The following KLHL29 variants were observed in gnomAD, a reference collection of about 807,000 sequenced individuals.
KLHL29 encodes kelch like family member 29, also known as kelch-like protein 29.
KLHL29 carries 21 observed loss-of-function variants against 80.4 expected under a neutral mutation model. The observed-to-expected ratio is 0.26, with a 90% CI of 0.19 to 0.38. KLHL29 has a LOEUF of 0.38. Ranked by LOEUF, KLHL29 falls within the 10% of genes least tolerant of loss-of-function variation. The probability of loss-of-function intolerance (pLI) is 1.00; values close to 1 mark genes in which losing one functional copy is unlikely to be tolerated. For missense variants in KLHL29, 867 were observed against 1,223.9 expected, an observed-to-expected ratio of 0.71 and a Z score of 4.35; for synonymous variants, 511 against 526.8, an observed-to-expected ratio of 0.97 and a Z score of 0.41.
Position 23,695,599 on chromosome 2 carries a change from G to C in KLHL29, c.1543-24G>C. ...TGGCTCTCTCTTGCTAGTCTAAGAA[G>C]ATTCTGTCTCCTGTACCCTGCAGTA... is the stretch of plus-strand genomic sequence containing the variant. On this transcript the variant is annotated intron_variant, in intron 8 of 13. Coordinates refer to ENST00000486442, the MANE Select transcript of KLHL29 (RefSeq NM_052920.2). This position sits in a 1 kb window ranked among gnomAD's most constrained non-coding sequence, Gnocchi z 7.6. The C allele has an allele frequency of 3.3e-6, 5 of 1,511,428 alleles. No homozygotes were observed. Among genetic ancestry groups the C allele is most frequent in the Non-Finnish European group, 4.4e-6 (5 of 1,124,444 alleles). 93.6% of individuals were successfully genotyped at this position (1,511,428 alleles called of 1,614,324 possible).
chr2:23,573,071 T>C (rs112754752), intron 3 of KLHL29, among the ~76,000 whole-genome samples: 27 of 2,258 alleles, frequency 0.012, no homozygotes, highest in African/African-American at 0.049. Context: ...CCTCACGGGT[T>C]CGTAGTTGGG....
At chr2:23,422,960 GC>G (rs1662865184) in intron 1 of KLHL29, among the ~76,000 whole-genome samples, 3 of 152,254 alleles carry the variant, frequency 2.0e-5, no homozygotes, top group African/African-American at 7.2e-5. Context: ...ATGCCAGCAA[GC>G]CATTTATGCC....
At chr2:23,578,871 T>C (rs2103507700) in intron 3 of KLHL29, among the ~76,000 whole-genome samples, 1 of 152,294 alleles carries the variant, frequency 6.6e-6, no homozygotes, top group East Asian at 1.9e-4. Flanking sequence ...TACTCAACAG[T>C]CTACAGATCA....
intron 3 of KLHL29, among the ~76,000 whole-genome samples, chr2:23,619,580 C>T (rs1185099506): frequency 6.6e-6 from 1 of 152,190 alleles, no homozygotes; most frequent in Non-Finnish European, 1.5e-5. Context: ...CAGCCTAAAA[C>T]TCTGAACTGA....
At chr2:23,639,308 G>A (rs775149784) in intron 4 of KLHL29, 28 bp downstream of exon 4, 36 of 1,541,888 alleles carry the variant, frequency 2.3e-5, no homozygotes, top group East Asian at 7.4e-5. Flanking sequence ...AGATAGAAAC[G>A]ACTGAGCCCA....
intron 5 of KLHL29, among the ~76,000 whole-genome samples, chr2:23,670,525 C>T (rs1670683425): frequency 6.6e-6 from 1 of 152,096 alleles, no homozygotes; most frequent in Admixed American, 6.5e-5. Context: ...AACCCCCAGG[C>T]CTGACATAGG....
At chr2:23,663,573 G>A (rs1342148255) in intron 5 of KLHL29, among the ~76,000 whole-genome samples, 20 of 152,242 alleles carry the variant, frequency 1.3e-4, no homozygotes, top group Admixed American at 1.3e-3. Flanking sequence ...ATGTCTTAAA[G>A]TGACTTTAAT....
rs147857436 is a variant in KLHL29 at position 23,548,337 on chromosome 2, ACACACAGG to A, written c.-45-13800_-45-13793del. ...CACACAGACACAAGCACACAGACAC[ACACACAGG>A]CACACAGGCACACACACAGGCACAC... On this transcript the variant is annotated intron_variant, in intron 2 of 13. Transcript: ENST00000486442. Among the ~76,000 whole-genome samples the A allele has an allele frequency of 5.1e-3, 768 of 149,826 alleles. 3 individuals carry two copies. The highest frequency in any genetic ancestry group is 6.5e-3 in the Non-Finnish European group (440 of 67,834).
chr2:23,555,495 A>G (rs1667264874), intron 2 of KLHL29, among the ~76,000 whole-genome samples: 1 of 151,922 alleles, frequency 6.6e-6, no homozygotes, highest in South Asian at 2.1e-4. Context: ...GTGCTCTGGC[A>G]CCCCATGATG....
chr2:23,422,848 T>G (rs1034853449), intron 1 of KLHL29, among the ~76,000 whole-genome samples: 2 of 152,234 alleles, frequency 1.3e-5, no homozygotes, highest in African/African-American at 4.8e-5. Context: ...TGCTCTGCAC[T>G]CCTGATGGAT....
intron 2 of KLHL29, among the ~76,000 whole-genome samples, chr2:23,481,155 G>A (rs1664787193): frequency 6.6e-6 from 1 of 152,216 alleles, no homozygotes; most frequent in Non-Finnish European, 1.5e-5. Flanking sequence ...CTGGGAGGTG[G>A]ATCCAGGCAT....
chr2:23,615,568 C>G (rs1668983599), intron 3 of KLHL29, among the ~76,000 whole-genome samples: 1 of 152,158 alleles, frequency 6.6e-6, no homozygotes, highest in Admixed American at 6.5e-5. Flanking sequence ...CACGGTGGAC[C>G]TGCGAGCCGG....
chr2:23,568,787 G>A (rs539947725), intron 3 of KLHL29, among the ~76,000 whole-genome samples: 9 of 152,338 alleles, frequency 5.9e-5, no homozygotes, highest in African/African-American at 2.2e-4. Flanking sequence ...TACCCATGGA[G>A]TGTTCCCAGC....
At position 23,603,955 on chromosome 2, in the gene KLHL29, A is replaced by G. The variant is rs187099347; in HGVS notation, c.286-35184A>G. Among the ~76,000 whole-genome samples the G allele has an allele frequency of 5.0e-3, 756 of 152,262 alleles. 5 individuals carry two copies. The highest frequency in any genetic ancestry group is 0.017 in the African/African-American group (693 of 41,566). On this transcript the variant is annotated intron_variant, in intron 3 of 13. Coordinates refer to ENST00000486442, the MANE Select transcript of KLHL29 (RefSeq NM_052920.2). ...GGTGCCCAGATTTGTGGCGAGGTTG[A>G]CCATAGCACCATGAAGTCGGTTCTG... is the stretch of plus-strand genomic sequence containing the variant.
At chr2:23,437,628 G>A (rs544100854) in intron 1 of KLHL29, among the ~76,000 whole-genome samples, 7 of 152,298 alleles carry the variant, frequency 4.6e-5, no homozygotes, top group African/African-American at 1.7e-4. Flanking sequence ...ATATATTGCT[G>A]TGCAAAAATC....
intron 2 of KLHL29, among the ~76,000 whole-genome samples, chr2:23,508,456 A>G (rs1050125041): frequency 1.4e-4 from 21 of 152,370 alleles, no homozygotes; most frequent in African/African-American, 5.0e-4. Flanking sequence ...GAGGGGTCCC[A>G]GCTAACAGGT....
intron 2 of KLHL29, among the ~76,000 whole-genome samples, chr2:23,481,965 G>T (rs192399516): frequency 5.9e-5 from 9 of 152,116 alleles, no homozygotes; most frequent in East Asian, 3.9e-4. Context: ...AGACTGGGCT[G>T]GGGGGAGATC....
intron 3 of KLHL29, among the ~76,000 whole-genome samples, chr2:23,607,954 C>A (rs1365190322): frequency 6.6e-6 from 1 of 152,078 alleles, no homozygotes; most frequent in Non-Finnish European, 1.5e-5. Context: ...ATGTGAACTG[C>A]CGTTCCCCCA....
At chr2:23,577,311 C>T (rs956693283) in intron 3 of KLHL29, among the ~76,000 whole-genome samples, 2 of 151,966 alleles carry the variant, frequency 1.3e-5, no homozygotes, top group African/African-American at 4.8e-5. Context: ...AATAGCCGGG[C>T]ATGGTGGTAT....
Sources: allele counts gnomAD v4.1 joint callset (sites outside exome capture counted in the v4.1 genomes callset), GRCh38; gene constraint gnomAD v4.1.1; non-coding constraint Gnocchi (gnomAD v3.1); transcripts MANE v1.5; gene names NCBI Gene and HGNC (gene_info 2026-07-23, HGNC 2026-07-21).